SYNDIG1: variants seen among roughly 807,000 people sequenced by gnomAD.
The protein encoded by SYNDIG1 is synapse differentiation-inducing gene protein 1.
In SYNDIG1, 9 loss-of-function variants were observed where a neutral mutation model predicts 19.4. The ratio of observed to expected loss-of-function variants is 0.46; its 90% CI spans 0.28 to 0.81. The LOEUF is 0.81. SYNDIG1 is among the 30% of genes least tolerant of loss of function. The pLI, the probability that SYNDIG1 is intolerant of heterozygous loss-of-function variation, is 0.12. For synonymous variants in SYNDIG1, 141 were observed against 145.9 expected, an observed-to-expected ratio of 0.97 and a Z score of 0.24; for missense variants, 311 against 343.3, an observed-to-expected ratio of 0.91 and a Z score of 0.74.
intron 1 of SYNDIG1, among the ~76,000 whole-genome samples, chr20:24,536,317 G>A (rs1479508774): frequency 1.3e-5 from 2 of 152,170 alleles, no homozygotes; most frequent in Non-Finnish European, 2.9e-5. Context: ...GGCCAATTCA[G>A]AATGGACATT....
Position 24,543,286 on chromosome 20 carries a change from C to T in SYNDIG1, c.189C>T (p.Asp63=). Residue 63 remains aspartate (D), a synonymous_variant, in exon 2 of 4, where the codon GAC becomes GAT. Coordinates refer to ENST00000376862, the MANE Select transcript of SYNDIG1 (RefSeq NM_024893.3). Reference sequence around the variant, plus strand: ...CCAGCACAGTGCCGGCCAGCCTGGACAGCAGCAGGAGTGAGCCGATGCAGC... The same window carrying T: ...CCAGCACAGTGCCGGCCAGCCTGGATAGCAGCAGGAGTGAGCCGATGCAGC... ...VGASTVPASL[D]SSRSEPMQQL... 6.2e-7 allele frequency: 1 copy of T among 1,613,648 alleles called. No homozygotes were observed. Among genetic ancestry groups the T allele is most frequent in the Non-Finnish European group, 8.5e-7 (1 of 1,180,034 alleles).
At chr20:24,549,457 C>G (rs957008046) in intron 2 of SYNDIG1, among the ~76,000 whole-genome samples, 1 of 152,118 alleles carries the variant, frequency 6.6e-6, no homozygotes, top group Non-Finnish European at 1.5e-5. Flanking sequence ...CCTGATTCCC[C>G]TTGCAGGACG....
chr20:24,617,517 C>T (rs1014185601), intron 3 of SYNDIG1, among the ~76,000 whole-genome samples: 2 of 152,212 alleles, frequency 1.3e-5, no homozygotes, highest in Admixed American at 1.3e-4. Context: ...ACACTGCCCT[C>T]CGGGTGCTCC....
In SYNDIG1 at chr20:24,617,644, C is replaced by T. The variant is rs1466424769; in HGVS notation, c.618+32651C>T. 2.6e-5 allele frequency among the ~76,000 whole-genome samples: 4 copies of T among 152,210 alleles called. No homozygotes were observed. In the East Asian group the frequency reaches 7.8e-4, roughly 30 times the overall value. ...AGCAAAGCCCGGGGGTGCATTTTGT[C>T]CTCTGAGATTTACCACAAGGAAGCC... is the stretch of plus-strand genomic sequence containing the variant. On this transcript the variant is annotated intron_variant, in intron 3 of 3. Coordinates refer to ENST00000376862, the MANE Select transcript of SYNDIG1 (RefSeq NM_024893.3).
chr20:24,654,650 G>GGAAAGAAGGA (rs2059505234), intron 3 of SYNDIG1, among the ~76,000 whole-genome samples: 23 of 117,454 alleles, frequency 2.0e-4, no homozygotes, highest in African/African-American at 6.8e-4. Context: ...GGGAGGGAGG[G>GGAAAGAAGGA]AGGAAGGAAG....
chr20:24,648,265 A>C (rs2059439421), intron 3 of SYNDIG1, among the ~76,000 whole-genome samples: 1 of 152,204 alleles, frequency 6.6e-6, no homozygotes, highest in South Asian at 2.1e-4. Context: ...CCTCTCTTGA[A>C]GTGGGCACTT....
At chr20:24,529,562 A>G (rs2057198773) in intron 1 of SYNDIG1, among the ~76,000 whole-genome samples, 1 of 152,264 alleles carries the variant, frequency 6.6e-6, no homozygotes, top group African/African-American at 2.4e-5. Flanking sequence ...ATTTATGGAC[A>G]CTGACATTTG....
intron 1 of SYNDIG1, among the ~76,000 whole-genome samples, chr20:24,509,788 G>A (rs1414019967): frequency 3.3e-5 from 5 of 152,122 alleles, no homozygotes; most frequent in Non-Finnish European, 4.4e-5. Context: ...TTTCCTTAAC[G>A]GTTTCTAACA....
At chr20:24,504,991 G>A (rs1363235260) in intron 1 of SYNDIG1, among the ~76,000 whole-genome samples, 1 of 152,178 alleles carries the variant, frequency 6.6e-6, no homozygotes, top group Non-Finnish European at 1.5e-5. Flanking sequence ...AGAATCAGTA[G>A]GACTTGTTGA....
chr20:24,581,432 C>T (rs539735734), intron 2 of SYNDIG1, among the ~76,000 whole-genome samples: 9 of 152,194 alleles, frequency 5.9e-5, no homozygotes, highest in Non-Finnish European at 8.8e-5. Flanking sequence ...GGCTGAGCTG[C>T]GCACTGGAGA....
intron 3 of SYNDIG1, among the ~76,000 whole-genome samples, chr20:24,637,766 C>T (rs1255545295): frequency 6.6e-6 from 1 of 152,210 alleles, no homozygotes; most frequent in Non-Finnish European, 1.5e-5. Context: ...GCCTCAGTCA[C>T]CACAGCAGGG....
At chr20:24,558,633 T>C (rs2057874639) in intron 2 of SYNDIG1, among the ~76,000 whole-genome samples, 1 of 152,246 alleles carries the variant, frequency 6.6e-6, no homozygotes, top group South Asian at 2.1e-4. Context: ...ACTTCTGTTT[T>C]TGTATGTTAA....
chr20:24,568,630 C>T lies in SYNDIG1; in HGVS notation c.481-16226C>T, dbSNP rs181425837. ...AATGAGAGGTATGGCGCACATTGTC[C>T]TGATCACCTCCGTGGATCTGTAAGC... On this transcript the variant is annotated intron_variant, in intron 2 of 3. Coordinates refer to ENST00000376862, the MANE Select transcript of SYNDIG1 (RefSeq NM_024893.3). Among the ~76,000 whole-genome samples, 10 of 152,326 alleles carry T rather than the reference C, an allele frequency of 6.6e-5. No homozygotes were observed. In the East Asian group the frequency reaches 1.7e-3, roughly 26 times the overall value.
At chr20:24,562,123 T>C (rs1227691118) in intron 2 of SYNDIG1, among the ~76,000 whole-genome samples, 1 of 152,098 alleles carries the variant, frequency 6.6e-6, no homozygotes, top group Non-Finnish European at 1.5e-5. Flanking sequence ...TATAGTTGCA[T>C]CTCATTTATT....
chr20:24,610,007 T>G (rs1459476702), intron 3 of SYNDIG1, among the ~76,000 whole-genome samples: 1 of 152,122 alleles, frequency 6.6e-6, no homozygotes, highest in Non-Finnish European at 1.5e-5. Context: ...GTCATCCCTT[T>G]TTGGTCAAAA....
At chr20:24,541,885 G>A (rs2057475922) in intron 1 of SYNDIG1, among the ~76,000 whole-genome samples, 1 of 152,200 alleles carries the variant, frequency 6.6e-6, no homozygotes, top group South Asian at 2.1e-4. Flanking sequence ...AACCCTAGAT[G>A]GCAGCCTCAT....
At chr20:24,477,108 G>A (rs1057097077) in intron 1 of SYNDIG1, among the ~76,000 whole-genome samples, 3 of 152,152 alleles carry the variant, frequency 2.0e-5, no homozygotes, top group East Asian at 1.9e-4. Context: ...GCTAGACCTC[G>A]AGTTTCTGAT....
intron 2 of SYNDIG1, among the ~76,000 whole-genome samples, chr20:24,548,037 G>A (rs1472989508): frequency 4.6e-5 from 7 of 152,180 alleles, no homozygotes; most frequent in South Asian, 2.1e-4. Flanking sequence ...GGAAGGGAAC[G>A]CTCATCGATG....
At chr20:24,654,669 G>GAAGGAAGGAAGT (rs1568718636) in intron 3 of SYNDIG1, among the ~76,000 whole-genome samples, 1 of 150,254 alleles carries the variant, frequency 6.7e-6, no homozygotes, top group Non-Finnish European at 1.5e-5. Flanking sequence ...AGGAAGGAAG[G>GAAGGAAGGAAGT]AAGGAAGGAA....
Sources: allele counts gnomAD v4.1 joint callset (sites outside exome capture counted in the v4.1 genomes callset), GRCh38; gene constraint gnomAD v4.1.1; transcripts MANE v1.5; gene names NCBI Gene and HGNC (gene_info 2026-07-23, HGNC 2026-07-21).